The following MRPS35 variants were observed in gnomAD, a reference collection of about 807,000 sequenced individuals.
MRPS35 encodes the protein small ribosomal subunit protein mS35.
MRPS35 carries 29 observed loss-of-function variants against 32.7 expected under a neutral mutation model. The ratio of observed to expected loss-of-function variants is 0.89; its 90% confidence interval spans 0.66 to 1.21. The LOEUF (loss-of-function observed/expected upper bound fraction) is 1.21. Ranked by LOEUF, MRPS35 falls within the 50% of genes most tolerant of loss-of-function variation. The probability of loss-of-function intolerance (pLI) is 0.00; values close to 1 mark genes in which losing one functional copy is unlikely to be tolerated. For missense variants in MRPS35, 373 were observed against 383.8 expected (o/e 0.97, Z 0.23); for synonymous variants, 148 against 139.3 (o/e 1.06, Z -0.44).
chr12:27,718,717 A>G (rs775983146), intron 3 of MRPS35, among the ~76,000 whole-genome samples: 12 of 152,214 alleles, frequency 7.9e-5, no homozygotes, highest in Non-Finnish European at 1.6e-4. Flanking sequence ...TTATTAGTTC[A>G]TAAAATGTTT....
At chr12:27,727,768 G>A (rs926480382) in intron 5 of MRPS35, among the ~76,000 whole-genome samples, 2 of 152,048 alleles carry the variant, frequency 1.3e-5, no homozygotes, top group African/African-American at 4.8e-5. Context: ...CCTATTGTTT[G>A]TTAATTATCA....
intron 5 of MRPS35, among the ~76,000 whole-genome samples, chr12:27,733,002 A>C (rs2061928107): frequency 6.4e-5 from 1 of 15,592 alleles, no homozygotes; most frequent in South Asian, 3.2e-3. Context: ...ATATATATAT[A>C]TATATATATA....
chr12:27,745,819 G>C (rs1447348581), intron 7 of MRPS35, among the ~76,000 whole-genome samples: 4 of 151,506 alleles, frequency 2.6e-5, no homozygotes, highest in Non-Finnish European at 5.9e-5. Flanking sequence ...TGCAGTGTTT[G>C]GTTTTTTGTC....
chr12:27,728,932 A>G (rs535339427), intron 5 of MRPS35, among the ~76,000 whole-genome samples: 15 of 152,266 alleles, frequency 9.9e-5, no homozygotes, highest in African/African-American at 2.9e-4. Context: ...TGTATTTTAT[A>G]TTGCATCAGG....
chr12:27,755,044 C>T (rs1325413948), intron 7 of MRPS35, 137 bp from the exon 8 acceptor site: 2 of 954,570 alleles, frequency 2.1e-6, no homozygotes, highest in Non-Finnish European at 3.0e-6. Context: ...TTGGCCAGGG[C>T]CTCTCCACAT....
Position 27,710,834 on chromosome 12 carries a change from C to G in MRPS35, c.-10C>G. 1 of 1,601,648 alleles carries G rather than the reference C, an allele frequency of 6.2e-7. No individual in the cohort carries two copies. ...CCGCTTGTCCCCTCCGGCTTGCCGT[C>G]CTCGCAGCCATGGCGGCCGCCGCGC... On this transcript the variant is annotated 5_prime_UTR_variant, in exon 1 of 8. Transcript: ENST00000081029.
chr12:27,734,052 T>C (rs911712429), intron 5 of MRPS35, among the ~76,000 whole-genome samples: 2 of 152,190 alleles, frequency 1.3e-5, no homozygotes, highest in African/African-American at 2.4e-5. Flanking sequence ...GCTACTATAC[T>C]GTGATGTCTT....
chr12:27,722,961 C>T (rs1437382082), intron 4 of MRPS35, among the ~76,000 whole-genome samples: 3 of 152,152 alleles, frequency 2.0e-5, no homozygotes, highest in African/African-American at 4.8e-5. Flanking sequence ...TCTCACTGCC[C>T]CTTAGACTGT....
intron 3 of MRPS35, among the ~76,000 whole-genome samples, chr12:27,719,132 T>G (rs978152030): frequency 6.6e-6 from 1 of 152,138 alleles, no homozygotes; most frequent in Non-Finnish European, 1.5e-5. Flanking sequence ...CTTAAGTCCT[T>G]TCAGTTTTAT....
rs763879236 is a variant in MRPS35, at chr12:27,710,871, C to T, written c.28C>T (p.Leu10=). The change falls in exon 1 of 8, where the codon CTG becomes TTG. Residue 10 remains leucine (L), a synonymous_variant. Transcript: ENST00000081029. MAAAALPAW[L]SLQSRARTLR... is the part of the protein sequence containing the mutation. Reference sequence around the variant, plus strand: ...GGCGGCCGCCGCGCTCCCAGCATGGCTGTCTCTGCAGTCGAGGGCAAGGAC... The same window carrying T: ...GGCGGCCGCCGCGCTCCCAGCATGGTTGTCTCTGCAGTCGAGGGCAAGGAC... The T allele has an allele frequency of 3.7e-6, 6 of 1,610,648 alleles. No individual in the cohort carries two copies. Among genetic ancestry groups the T allele is most frequent in the Non-Finnish European group, 5.1e-6 (6 of 1,179,838 alleles).
At chr12:27,735,385 C>T in intron 5 of MRPS35, 62 bp from the exon 6 acceptor site, 2 of 1,267,246 alleles carry the variant, frequency 1.6e-6, no homozygotes, top group Non-Finnish European at 2.2e-6. Flanking sequence ...AACATTGCTA[C>T]CTTTTTTTCA....
At chr12:27,733,196 G>A (rs1274326741) in intron 5 of MRPS35, among the ~76,000 whole-genome samples, 1 of 152,024 alleles carries the variant, frequency 6.6e-6, no homozygotes, top group Admixed American at 6.6e-5. Flanking sequence ...CCAGGTTAAA[G>A]TATTAGCCCA....
intron 7 of MRPS35, among the ~76,000 whole-genome samples, chr12:27,746,799 A>G (rs563035460): frequency 1.3e-5 from 2 of 152,286 alleles, no homozygotes; most frequent in South Asian, 2.1e-4. Context: ...CCTGATACCA[A>G]ATAAGTTACC....
Position 27,737,544 on chromosome 12 carries a change from C to T in MRPS35, c.638C>T (p.Pro213Leu). 1 of 1,611,966 alleles carries T rather than the reference C, an allele frequency of 6.2e-7. No individual in the cohort carries two copies. Among genetic ancestry groups the T allele is most frequent in the South Asian group, 1.1e-5 (1 of 90,872 alleles). The change falls in exon 7 of 8, where the codon CCT (proline) becomes CTT (leucine). Residue 213 changes from proline (P) to leucine (L), a missense_variant. Coordinates refer to ENST00000081029, the MANE Select transcript of MRPS35 (RefSeq NM_021821.4). ...TCCCGCTTTCTCTTTAATAGGTGCC[C>T]TTTAAGGAGGCAGAATTACGATTAT... is the stretch of plus-strand genomic sequence containing the variant. ...DVLTIKTDRC[P>L]LRRQNYDYAV...
intron 7 of MRPS35, among the ~76,000 whole-genome samples, chr12:27,747,752 A>G (rs567519508): frequency 7.5e-4 from 115 of 152,330 alleles, no homozygotes; most frequent in African/African-American, 2.7e-3. Flanking sequence ...CTTCTGTTAC[A>G]ACAGAATACA....
chr12:27,728,909 A>G (rs2061910638), intron 5 of MRPS35, among the ~76,000 whole-genome samples: 1 of 152,154 alleles, frequency 6.6e-6, no homozygotes, highest in Non-Finnish European at 1.5e-5. Context: ...AGAATACTTT[A>G]TAGATATTGC....
chr12:27,753,733 A>G (rs1170066674), intron 7 of MRPS35, among the ~76,000 whole-genome samples: 2 of 152,186 alleles, frequency 1.3e-5, no homozygotes, highest in Non-Finnish European at 2.9e-5. Flanking sequence ...AAATGTGACT[A>G]GTATTCAGCA....
At chr12:27,723,536 G>A (rs2061885876) in intron 4 of MRPS35, among the ~76,000 whole-genome samples, 1 of 152,196 alleles carries the variant, frequency 6.6e-6, no homozygotes, top group Admixed American at 6.5e-5. Context: ...ACCTGTTTGA[G>A]TTGAGGTTCT....
chr12:27,749,876 C>T (rs1182443097), intron 7 of MRPS35, among the ~76,000 whole-genome samples: 4 of 152,166 alleles, frequency 2.6e-5, no homozygotes, highest in Admixed American at 1.3e-4. Context: ...GTTCAAGGAA[C>T]TCACCTATTA....
Sources: allele counts gnomAD v4.1 joint callset (sites outside exome capture counted in the v4.1 genomes callset), GRCh38; gene constraint gnomAD v4.1.1; transcripts MANE v1.5; gene names NCBI Gene and HGNC (gene_info 2026-07-23, HGNC 2026-07-21).